APC: variants seen among roughly 807,000 people sequenced by gnomAD.
APC encodes the protein APC regulator of Wnt signaling pathway, also known as adenomatous polyposis coli protein.
Under a neutral mutation model 247.0 loss-of-function variants are expected in APC, and 72 were observed. The observed-to-expected ratio is 0.29, with a 90% CI of 0.24 to 0.35. The LOEUF (loss-of-function observed/expected upper bound fraction) is 0.35. Ranked by LOEUF, APC falls within the 10% of genes least tolerant of loss-of-function variation. The probability of loss-of-function intolerance (pLI) is 1.00; values close to 1 mark genes in which losing one functional copy is unlikely to be tolerated. For missense variants in APC, 3,400 were observed against 3,360.7 expected, an observed-to-expected ratio of 1.01 and a Z score of -0.29; for synonymous variants, 1,254 against 1,162.5, an observed-to-expected ratio of 1.08 and a Z score of -1.60.
intron 1 of APC, among the ~76,000 whole-genome samples, chr5:112,709,000 C>A (rs924007997): frequency 3.3e-5 from 5 of 152,126 alleles, no homozygotes; most frequent in African/African-American, 9.7e-5. Context: ...TTCCATCTTT[C>A]CCTGGATGGA....
At chr5:112,755,146 C>T (rs146920699) in intron 2 of APC, 121 bp downstream of exon 2, 11 of 1,371,506 alleles carry the variant, frequency 8.0e-6, no homozygotes, top group South Asian at 1.4e-5. Flanking sequence ...AATATGTAAA[C>T]TCTTTCTTGC....
intron 3 of APC, 68 bp downstream of exon 3, chr5:112,766,478 C>A (rs1370348956): frequency 2.9e-6 from 3 of 1,019,438 alleles, no homozygotes; most frequent in Non-Finnish European, 4.6e-6. Context: ...GTGTGTAGAT[C>A]CAAGTACAGC....
At chr5:112,827,352 A>C (rs980867980) in intron 12 of APC, 105 bp downstream of exon 12, 7 of 1,250,230 alleles carry the variant, frequency 5.6e-6, no homozygotes, top group Non-Finnish European at 5.8e-6. Context: ...TCTCCTCATT[A>C]AACAATGACT....
intron 2 of APC, among the ~76,000 whole-genome samples, chr5:112,758,363 C>T (rs1284500267): frequency 3.3e-5 from 5 of 152,086 alleles, no homozygotes; most frequent in South Asian, 4.1e-4. Context: ...CTCACACTGT[C>T]GCCTGGGCTC....
Position 112,707,751 on chromosome 5 carries a change from C to T in APC, c.34C>T (p.Pro12Ser), listed in dbSNP as rs1316080865. ...CTCCCTGGGCTCGGGTCCGGTCGCC[C>T]CTTTGCCCGCTTCTGTACCACCCTC... is the stretch of plus-strand genomic sequence containing the variant. Residue 12 changes from proline (P) to serine (S), a missense_variant, in exon 1 of 14, where the codon CCT (proline) becomes TCT (serine). Transcript: ENST00000507379. 1.5e-6 allele frequency: 2 copies of T among 1,370,546 alleles called. No individual in the cohort carries two copies. Among genetic ancestry groups the T allele is most frequent in the Non-Finnish European group, 9.6e-7 (1 of 1,038,802 alleles). The allele number at this position is 1,370,546 out of a possible 1,614,324, so 84.9% of individuals were successfully genotyped here.
rs1561601778 is a variant in APC, at chr5:112,841,282, C to G, written c.5688C>G (p.Ser1896Arg). 6.2e-7 allele frequency: 1 copy of G among 1,613,842 alleles called. No homozygotes were observed. ...AGGAATCAGAGGCTAAAGTTACCAGCCACACAGAACTAACCTCCAACCAAC... is the reference window on the plus strand; with the variant it reads ...AGGAATCAGAGGCTAAAGTTACCAGGCACACAGAACTAACCTCCAACCAAC... ...ENKESEAKVT[S>R]HTELTSNQQS... is the part of the protein sequence containing the mutation. Residue 1896 changes from serine (S) to arginine (R), a missense_variant, in exon 16 of 16, where the codon AGC becomes AGG. Transcript: ENST00000257430. The surrounding 1 kb of genome is among the most constrained non-coding windows in gnomAD (Gnocchi z 4.6).
chr5:112,758,251 G>A lies in APC; in HGVS notation c.135+3226G>A, dbSNP rs369368037. Reference sequence around the variant, plus strand: ...AGAATTATAGCTAATCTTAAAAAAAGTTGTGTAGTGTATTTTTTACTCCAT... The same window carrying A: ...AGAATTATAGCTAATCTTAAAAAAAATTGTGTAGTGTATTTTTTACTCCAT... On this transcript the variant is annotated intron_variant, in intron 2 of 15. Coordinates refer to ENST00000257430, the MANE Select transcript of APC (RefSeq NM_000038.6). 6.2e-4 allele frequency among the ~76,000 whole-genome samples: 95 copies of A among 152,350 alleles called. 1 individual carries two copies. In the East Asian group the frequency reaches 0.017, roughly 27 times the overall value.
rs587778044 is a variant in APC, at chr5:112,843,740, G to A, written c.8146G>A (p.Val2716Met). ...TAATGGCAGTGTTCCCATGCGTACC[G>A]TGGGTTTGGAAAATCGCCTGAACTC... ...VGNGSVPMRT[V>M]GLENRLNSFI... The change falls in exon 16 of 16, where the codon GTG becomes ATG. Residue 2716 changes from valine to methionine, a missense_variant. This residue lies in a region of APC where 1,788 missense variants were observed against 1,649.5 expected (regional missense o/e 1.08). Transcript: ENST00000257430. This position sits in a 1 kb window ranked among gnomAD's most constrained non-coding sequence, Gnocchi z 4.8. 1.9e-5 allele frequency: 30 copies of A among 1,613,910 alleles called. No individual in the cohort carries two copies. The highest frequency in any genetic ancestry group is 2.4e-5 in the Non-Finnish European group (28 of 1,179,944).
In APC at chr5:112,843,999, C is replaced by T. The variant is rs765631031; in HGVS notation, c.8405C>T (p.Pro2802Leu). 6.2e-7 allele frequency: 1 copy of T among 1,600,132 alleles called. No homozygotes were observed. Among genetic ancestry groups the T allele is most frequent in the Non-Finnish European group, 8.5e-7 (1 of 1,174,676 alleles). The change falls in exon 16 of 16, where the codon CCA becomes CTA. Residue 2802 changes from proline to leucine, a missense_variant. Pro to Leu is a moderately conservative substitution (Grantham distance 98). Around this residue, in one of 9 missense-constraint regions of APC, gnomAD observed 1,788 missense variants for 1,649.5 expected, o/e 1.08. Transcript: ENST00000257430. This position sits in a 1 kb window ranked among gnomAD's most constrained non-coding sequence, Gnocchi z 4.8. The part of the protein sequence containing the change: ...KSSADSTSAR[P>L]SQIPTPVNNN... ...AGCGCAGATAGCACTTCAGCTCGGC[C>T]ATCTCAGATCCCAACTCCAGTGAAT... is the stretch of plus-strand genomic sequence containing the variant.
In APC at chr5:112,722,471, G is replaced by T. The variant is rs529503116; in HGVS notation, c.165+14589G>T. On this transcript the variant is annotated intron_variant, in intron 1 of 13. Coordinates refer to the APC transcript ENST00000507379. ...ACACACCAATAGTGGATGCTAGTTG[G>T]GTGTCCTCCAATTCATTTCCCACAC... Among the ~76,000 whole-genome samples the T allele has an allele frequency of 1.5e-4, 23 of 152,160 alleles. No individual in the cohort carries two copies. The South Asian group carries it at 4.8e-3, about 32-fold the overall frequency.
intron 1 of APC, among the ~76,000 whole-genome samples, chr5:112,749,873 G>A (rs1754122103): frequency 6.7e-6 from 1 of 149,478 alleles, no homozygotes; most frequent in Non-Finnish European, 1.5e-5. Context: ...TATGTTTGGA[G>A]GTTGTTTTCT....
At chr5:112,821,793 A>G in intron 10 of APC, 103 bp from the exon 11 acceptor site, 1 of 888,254 alleles carries the variant, frequency 1.1e-6, no homozygotes, top group East Asian at 2.5e-5. Flanking sequence ...AATTCCGTGA[A>G]TTAGGGTTAT....
chr5:112,710,412 C>A (rs1050703666), intron 1 of APC, among the ~76,000 whole-genome samples: 1 of 152,176 alleles, frequency 6.6e-6, no homozygotes, highest in African/African-American at 2.4e-5. Context: ...ATATATATAT[C>A]TCAGAGGAAG....
intron 2 of APC, among the ~76,000 whole-genome samples, chr5:112,758,584 A>G (rs1755261775): frequency 6.6e-6 from 1 of 151,916 alleles, no homozygotes; most frequent in Middle Eastern, 3.4e-3. Context: ...TCGGCCTCCC[A>G]AAGTGCTGGG....
upstream of APC, among the ~76,000 whole-genome samples, chr5:112,733,586 C>G (rs1752204478): frequency 6.6e-6 from 1 of 152,154 alleles, no homozygotes; most frequent in African/African-American, 2.4e-5. Context: ...GAAACAGATT[C>G]CCCCTTAGAG....
chr5:112,719,738 T>A (rs1207177305), intron 1 of APC, among the ~76,000 whole-genome samples: 1 of 152,012 alleles, frequency 6.6e-6, no homozygotes, highest in Non-Finnish European at 1.5e-5. Flanking sequence ...TTTCAGTATG[T>A]TGGCCAGGCT....
At position 112,844,872 on chromosome 5, in the gene APC, T is replaced by C. The variant is rs1459138042; in HGVS notation, c.*746T>C. The C allele has an allele frequency of 4.3e-6, 1 of 232,418 alleles. No individual in the cohort carries two copies. The highest frequency in any genetic ancestry group is 8.5e-6 in the Non-Finnish European group (1 of 117,360). 14.4% of individuals were successfully genotyped at this position (232,418 alleles called of 1,614,324 possible). A position where few individuals can be genotyped will look rare whatever the true frequency, so the allele number is the denominator to read the frequency against. The stretch of plus-strand genomic sequence containing the variant: ...TTTTGCTATGCTGTAATTTGTTGTA[T>C]ATTCTGGTATTTGAGGTGAGATGGC... On this transcript the variant is annotated 3_prime_UTR_variant, in exon 16 of 16. Transcript: ENST00000257430.
At chr5:112,729,949 A>T (rs1002490735) in intron 1 of APC, among the ~76,000 whole-genome samples, 18 of 152,196 alleles carry the variant, frequency 1.2e-4, no homozygotes, top group Non-Finnish European at 2.5e-4. Context: ...TTTTGCCTTT[A>T]CTAATATGCC....
chr5:112,794,727 C>T (rs1760017044), intron 7 of APC, among the ~76,000 whole-genome samples: 1 of 152,190 alleles, frequency 6.6e-6, no homozygotes, highest in Non-Finnish European at 1.5e-5. Context: ...ACCTCAGATG[C>T]CAGCCACAAA....
Sources: allele counts gnomAD v4.1 joint callset (sites outside exome capture counted in the v4.1 genomes callset), GRCh38; gene constraint gnomAD v4.1.1; regional missense constraint gnomAD v4.1.1; non-coding constraint Gnocchi (gnomAD v3.1); transcripts MANE v1.5; gene names NCBI Gene and HGNC (gene_info 2026-07-23, HGNC 2026-07-21).